DUSP11: variants seen among roughly 807,000 people sequenced by gnomAD.
DUSP11 encodes dual specificity phosphatase 11, also known as RNA/RNP complex-1-interacting phosphatase.
A neutral mutation model predicts 41.4 loss-of-function variants in DUSP11; 27 were observed. That is an observed-to-expected ratio of 0.65 (90% CI 0.48 to 0.90). The LOEUF (loss-of-function observed/expected upper bound fraction) is 0.90. Among genes scored for constraint, DUSP11 ranks in the 40% least tolerant of loss-of-function variants. DUSP11 has a pLI of 0.00. For synonymous variants in DUSP11, 188 were observed against 159.3 expected (o/e 1.18, Z -1.35); for missense variants, 465 against 461.1 (o/e 1.01, Z -0.08).
intron 8 of DUSP11, 91 bp from the exon 9 acceptor site, chr2:73,762,950 A>C (rs1196814229): frequency 1.9e-6 from 1 of 514,160 alleles, no homozygotes; most frequent in Non-Finnish European, 2.8e-6. Flanking sequence ...AAAATATTTT[A>C]AATTTATAAA....
rs1672754984 is a variant in DUSP11, at chr2:73,779,668, A to G, written c.242+206T>C. 7.8e-6 allele frequency: 6 copies of G among 764,872 alleles called. No individual in the cohort carries two copies. In the South Asian group the frequency reaches 1.2e-4, roughly 15 times the overall value. 47.4% of individuals were successfully genotyped at this position (764,872 alleles called of 1,614,324 possible). A position where few individuals can be genotyped will look rare whatever the true frequency, so the allele number is the denominator to read the frequency against. On this transcript the variant is annotated intron_variant, in intron 1 of 8. Coordinates refer to ENST00000272444, the Ensembl canonical transcript of DUSP11. ...GAGCAATGGCCAGAACCTCCCTTTT[A>G]CAAGAATATGGAGAAATCACAGGAC...
Position 73,776,180 on chromosome 2 carries a change from C to G in DUSP11, c.319-1136G>C, listed in dbSNP as rs559790155. ...CTGTAATCCCAGCACTTTGGGAGGC[C>G]GAGGCAGGAGGATCACGAGGTCAGG... is the stretch of plus-strand genomic sequence containing the variant. On this transcript the variant is annotated intron_variant, in intron 2 of 8. Transcript: ENST00000272444. Among the ~76,000 whole-genome samples, 8 of 151,736 alleles carry G rather than the reference C, an allele frequency of 5.3e-5. No homozygotes were observed. The South Asian group carries it at 8.4e-4, about 16-fold the overall frequency.
At chr2:73,767,009 T>C in intron 6 of DUSP11, 106 bp from the exon 7 acceptor site, 1 of 1,216,198 alleles carries the variant, frequency 8.2e-7, no homozygotes, top group South Asian at 1.3e-5. Flanking sequence ...ATCTCACTAC[T>C]TCCACATACA....
At chr2:73,772,430 TAGAC>T (rs1249703404) in intron 4 of DUSP11, among the ~76,000 whole-genome samples, 2 of 152,172 alleles carry the variant, frequency 1.3e-5, no homozygotes, top group Non-Finnish European at 2.9e-5. Flanking sequence ...CTGCAAGACT[TAGAC>T]AGTCAGCACC....
At position 73,771,246 on chromosome 2, in the gene DUSP11, G is replaced by C. The variant is rs189327291; in HGVS notation, c.575-1921C>G. On this transcript the variant is annotated intron_variant, in intron 4 of 8. Transcript: ENST00000272444. ...TTCAACATAGGTTATATAATTATTTGTTGCAAATGAACATATGAATTCCAT... is the reference window on the plus strand; with the variant it reads ...TTCAACATAGGTTATATAATTATTTCTTGCAAATGAACATATGAATTCCAT... Among the ~76,000 whole-genome samples, 203 of 152,150 alleles carry C rather than the reference G, an allele frequency of 1.3e-3. 1 individual carries two copies. Among genetic ancestry groups the C allele is most frequent in the African/African-American group, 4.6e-3 (190 of 41,502 alleles).
chr2:73,779,401 T>A (rs1463531569), intron 1 of DUSP11: 1 of 176,718 alleles, frequency 5.7e-6, no homozygotes, highest in African/African-American at 2.4e-5. Context: ...ATAAAGGAGT[T>A]ATCTTTCAAA....
rs1672633283 is a variant in DUSP11, at chr2:73,773,964, G to C, written c.451-41C>G. 3 of 1,477,182 alleles carry C rather than the reference G, an allele frequency of 2.0e-6. No individual in the cohort carries two copies. In the South Asian group the frequency reaches 4.1e-5, roughly 20 times the overall value. 91.5% of individuals were successfully genotyped at this position (1,477,182 alleles called of 1,614,324 possible). On this transcript the variant is annotated intron_variant, in intron 3 of 8. Coordinates refer to ENST00000272444, the Ensembl canonical transcript of DUSP11. ...ATAAAAGATGTGTATTATTTCACTT[G>C]TAGAGAAATAATTAAAGAGTAATTA...
chr2:73,776,650 T>C (rs1057325383), intron 2 of DUSP11, among the ~76,000 whole-genome samples: 2 of 152,206 alleles, frequency 1.3e-5, no homozygotes, highest in Non-Finnish European at 2.9e-5. Context: ...TTCTATGTTA[T>C]GCATTGTATG....
At chr2:73,764,493 C>T (rs529848192) in intron 8 of DUSP11, among the ~76,000 whole-genome samples, 1 of 152,250 alleles carries the variant, frequency 6.6e-6, no homozygotes, top group African/African-American at 2.4e-5. Context: ...TTCATGTTAA[C>T]TGTCAATAAC....
intron 8 of DUSP11, among the ~76,000 whole-genome samples, chr2:73,764,499 A>G (rs1672420368): frequency 6.6e-6 from 1 of 152,212 alleles, no homozygotes; most frequent in Non-Finnish European, 1.5e-5. Flanking sequence ...TTAACTGTCA[A>G]TAACAACCAC....
At chr2:73,779,047 C>T (rs539495065) in intron 1 of DUSP11, among the ~76,000 whole-genome samples, 46 of 151,980 alleles carry the variant, frequency 3.0e-4, no homozygotes, top group African/African-American at 1.0e-3. Flanking sequence ...GCAACTTGGG[C>T]GGCTGAGGGA....
chr2:73,775,612 T>C (rs1253204863), intron 2 of DUSP11, among the ~76,000 whole-genome samples: 2 of 150,624 alleles, frequency 1.3e-5, no homozygotes, highest in African/African-American at 4.9e-5. Flanking sequence ...TCCCAGCACT[T>C]TGGGAGGCCA....
In DUSP11 at chr2:73,778,388, AT is replaced by A; in HGVS notation, c.243-13del. The A allele has an allele frequency of 6.1e-6, 9 of 1,475,128 alleles. No individual in the cohort carries two copies. The highest frequency in any genetic ancestry group is 2.6e-5 in the Admixed American group (1 of 38,694). 91.4% of individuals were successfully genotyped at this position (1,475,128 alleles called of 1,614,324 possible). ...GATAGTCTTTCCACCTATTAGATAT[AT>A]TTTTTGTTAGCCAAATTGTATGTTA... On this transcript the variant is annotated splice_polypyrimidine_tract_variant and intron_variant, in intron 1 of 8. Transcript: ENST00000272444.
At chr2:73,773,526 A>G (rs1672624451) in intron 4 of DUSP11, 3 of 373,952 alleles carry the variant, frequency 8.0e-6, no homozygotes, top group South Asian at 6.8e-5. Context: ...CAAAAATAAC[A>G]TTTTAATTTT....
At chr2:73,778,327 T>C in exon 2 of DUSP11, 3 of 1,561,606 alleles carry the variant, frequency 1.9e-6, no homozygotes, top group Non-Finnish European at 2.6e-6. Context: ...TTGAAAGCAA[T>C]GAAACGAGTC....
At chr2:73,768,352 G>T (rs1573178694) in intron 5 of DUSP11, 1 of 574,232 alleles carries the variant, frequency 1.7e-6, no homozygotes, top group Non-Finnish European at 2.2e-6. Flanking sequence ...AGACTGTTAG[G>T]ACGCACAAAG....
At position 73,767,143 on chromosome 2, in the gene DUSP11, G is replaced by A. The variant is rs758654024; in HGVS notation, c.682+18C>T. 3.8e-6 allele frequency: 6 copies of A among 1,599,068 alleles called. No homozygotes were observed. The South Asian group carries it at 6.7e-5, about 18-fold the overall frequency. On this transcript the variant is annotated intron_variant, in intron 6 of 8. Transcript: ENST00000272444. ...AACTTTAATAAAAGGGAAAAATAGT[G>A]TCAACCCTCATACTTACATTCAATT...
chr2:73,771,480 G>A (rs113046513), intron 4 of DUSP11, among the ~76,000 whole-genome samples: 1 of 151,694 alleles, frequency 6.6e-6, no homozygotes, highest in Admixed American at 6.6e-5. Context: ...CTTTTATTAT[G>A]ATGAACTGTC....
At chr2:73,777,422 G>A (rs1672708141) in intron 2 of DUSP11, among the ~76,000 whole-genome samples, 1 of 152,170 alleles carries the variant, frequency 6.6e-6, no homozygotes, top group South Asian at 2.1e-4. Flanking sequence ...GCTATGCTGG[G>A]GAAGTCTAAT....
Sources: gnomAD v4.1 joint callset for allele counts (sites outside exome capture counted in the v4.1 genomes callset) on GRCh38, gnomAD v4.1.1 for gene constraint, MANE v1.5 for transcripts, NCBI Gene and HGNC (gene_info 2026-07-23, HGNC 2026-07-21) for gene names.